ATP10A: variants seen among roughly 807,000 people sequenced by gnomAD.
The protein encoded by ATP10A is ATPase phospholipid transporting 10A (putative).
ATP10A carries 111 observed loss-of-function variants against 147.8 expected under a neutral mutation model. The ratio of observed to expected loss-of-function variants is 0.75; its 90% CI spans 0.64 to 0.88. The LOEUF (loss-of-function observed/expected upper bound fraction) is 0.88. ATP10A is among the 40% of genes least tolerant of loss of function. The probability of loss-of-function intolerance (pLI) is 0.00; values close to 1 mark genes in which losing one functional copy is unlikely to be tolerated. For missense variants in ATP10A, 1,927 were observed against 1,959.0 expected (o/e 0.98, Z 0.31); for synonymous variants, 875 against 841.6 (o/e 1.04, Z -0.69).
At chr15:25,783,717 A>G (rs1890036323) in intron 1 of ATP10A, among the ~76,000 whole-genome samples, 1 of 152,348 alleles carries the variant, frequency 6.6e-6, no homozygotes, top group South Asian at 2.1e-4. Context: ...ACCGCTAGAG[A>G]GCGCCCTTTG....
At chr15:25,794,187 C>A (rs979521111) in intron 1 of ATP10A, among the ~76,000 whole-genome samples, 2 of 152,172 alleles carry the variant, frequency 1.3e-5, no homozygotes, top group African/African-American at 4.8e-5. Flanking sequence ...AGGTGGCAGC[C>A]TGGGTCAAAG....
chr15:25,710,171 C>G (rs1243512806), intron 10 of ATP10A: 2 of 152,190 alleles, frequency 1.3e-5, no homozygotes, highest in Non-Finnish European at 2.9e-5. Flanking sequence ...CACAGCCACC[C>G]AAGTCCTGTG....
At chr15:25,735,223 C>A (rs1479798003) in intron 3 of ATP10A, among the ~76,000 whole-genome samples, 3 of 152,196 alleles carry the variant, frequency 2.0e-5, no homozygotes, top group African/African-American at 7.2e-5. Context: ...TCATGTGCGT[C>A]ATGCCCCTGT....
In ATP10A at chr15:25,766,174, C is replaced by G. The variant is rs139849679; in HGVS notation, c.654+14845G>C. 3.7e-4 allele frequency among the ~76,000 whole-genome samples: 57 copies of G among 152,254 alleles called. No individual in the cohort carries two copies. The East Asian group carries it at 9.3e-3, about 25-fold the overall frequency. On this transcript the variant is annotated intron_variant, in intron 2 of 20. Coordinates refer to ENST00000555815, the MANE Select transcript of ATP10A (RefSeq NM_024490.4). ...GTCTAGTGAGACTTATTCACTGTCA[C>G]GAGAATAGCACAAGAAAGACCAGAC...
At chr15:25,860,496 G>C (rs1361119210) in intron 1 of ATP10A, among the ~76,000 whole-genome samples, 1 of 152,178 alleles carries the variant, frequency 6.6e-6, no homozygotes, top group African/African-American at 2.4e-5. Context: ...TCTGGGACTG[G>C]AAGAATTTGA....
At chr15:25,696,343 G>T (rs945455671) in intron 13 of ATP10A, among the ~76,000 whole-genome samples, 5 of 152,240 alleles carry the variant, frequency 3.3e-5, no homozygotes, top group African/African-American at 1.2e-4. Context: ...GTGCGAAAGT[G>T]TGGAGATGGA....
In ATP10A at chr15:25,680,230, C is replaced by T. The variant is rs1477415633; in HGVS notation, c.3757G>A (p.Ala1253Thr). The change falls in exon 20 of 21, where the codon GCC (alanine) becomes ACC (threonine). Residue 1253 changes from alanine (A) to threonine (T), a missense_variant. Physicochemically the swap from Ala to Thr is moderately conservative, Grantham distance 58 (BLOSUM62 0). Coordinates refer to ENST00000555815, the MANE Select transcript of ATP10A (RefSeq NM_024490.4). The part of the protein sequence containing the change: ...TVALIYNASC[A>T]TCYPPSNPYW... ...GGGTTGGACGGAGGATAGCACGTGG[C>T]ACAAGACGCATTGTAAATCAAAGCC... 6.2e-7 allele frequency: 1 copy of T among 1,613,986 alleles called. No homozygotes were observed. The highest frequency in any genetic ancestry group is 1.3e-5 in the African/African-American group (1 of 74,900).
At chr15:25,792,873 C>CTTTTT (rs56011953) in intron 1 of ATP10A, among the ~76,000 whole-genome samples, 52,265 of 133,282 alleles carry the variant, frequency 0.39, 10,883 homozygotes, top group South Asian at 0.52. Context: ...CCTTTTCAAT[C>CTTTTT]TTTTTTTTTT....
At chr15:25,681,230 G>GCC (rs1354943543) in intron 17 of ATP10A, among the ~76,000 whole-genome samples, 156 bp from the exon 18 acceptor site, 2 of 152,090 alleles carry the variant, frequency 1.3e-5, no homozygotes, top group South Asian at 4.1e-4. Flanking sequence ...CATGAAGGGA[G>GCC]GGTTCTCATG....
At chr15:25,851,757 T>C (rs1272951143) in intron 1 of ATP10A, among the ~76,000 whole-genome samples, 1 of 152,114 alleles carries the variant, frequency 6.6e-6, no homozygotes, top group Non-Finnish European at 1.5e-5. Context: ...CTAAAATTCT[T>C]TGGGCTTGGA....
intron 17 of ATP10A, among the ~76,000 whole-genome samples, chr15:25,682,708 A>G (rs767376459): frequency 6.6e-5 from 10 of 152,142 alleles, no homozygotes; most frequent in Admixed American, 2.0e-4. Context: ...GGCCAGGGGA[A>G]GTTAACTCAT....
chr15:25,726,364 T>C (rs1902549909), intron 4 of ATP10A, among the ~76,000 whole-genome samples: 2 of 152,166 alleles, frequency 1.3e-5, no homozygotes, highest in Admixed American at 6.5e-5. Flanking sequence ...GTTGAGGTAC[T>C]ATTCAAAGAA....
rs371995492 is a variant in ATP10A at position 25,814,456 on chromosome 15, T to C, written c.450-33233A>G. On this transcript the variant is annotated intron_variant, in intron 1 of 20. Coordinates refer to ENST00000555815, the MANE Select transcript of ATP10A (RefSeq NM_024490.4). ...CACAAGGAATGAAACTCACCAGAAATGGCAAAGATGCCCCTCTGCCTGGTT... is the reference window on the plus strand; with the variant it reads ...CACAAGGAATGAAACTCACCAGAAACGGCAAAGATGCCCCTCTGCCTGGTT... 1.4e-4 allele frequency among the ~76,000 whole-genome samples: 22 copies of C among 152,316 alleles called. No individual in the cohort carries two copies. In the East Asian group the frequency reaches 3.3e-3, roughly 23 times the overall value.
Position 25,810,744 on chromosome 15 carries a change from C to T in ATP10A, c.450-29521G>A, listed in dbSNP as rs113994617. Among the ~76,000 whole-genome samples, 681 of 152,210 alleles carry T rather than the reference C, an allele frequency of 4.5e-3. 7 individuals carry two copies. Among genetic ancestry groups the T allele is most frequent in the African/African-American group, 0.016 (645 of 41,538 alleles). On this transcript the variant is annotated intron_variant, in intron 1 of 20. Transcript: ENST00000555815. ...CTGCCCAGGTTCTAAAAGTAAAAGC[C>T]TCCCACGGAAAATAGCACGCCAGGG...
At chr15:25,714,489 T>TA (rs1255384452) in intron 9 of ATP10A, among the ~76,000 whole-genome samples, 3 of 151,798 alleles carry the variant, frequency 2.0e-5, no homozygotes, top group African/African-American at 2.4e-5. Context: ...ATAATAATAA[T>TA]AAAAAAAGAA....
intron 1 of ATP10A, among the ~76,000 whole-genome samples, chr15:25,828,799 T>C (rs1892227124): frequency 6.6e-6 from 1 of 152,168 alleles, no homozygotes; most frequent in African/African-American, 2.4e-5. Flanking sequence ...ATTATATGGA[T>C]TTGGCAGCAC....
chr15:25,744,091 CGG>C (rs1300363936), intron 2 of ATP10A, among the ~76,000 whole-genome samples: 1 of 152,034 alleles, frequency 6.6e-6, no homozygotes, highest in Non-Finnish European at 1.5e-5. Context: ...CCAGGAAGAA[CGG>C]CATCACAGAG....
At chr15:25,833,924 A>G (rs1425123126) in intron 1 of ATP10A, among the ~76,000 whole-genome samples, 2 of 151,698 alleles carry the variant, frequency 1.3e-5, no homozygotes, top group Admixed American at 6.6e-5. Flanking sequence ...GTGAGCCCAG[A>G]TGGCGCCACT....
intron 1 of ATP10A, among the ~76,000 whole-genome samples, chr15:25,818,041 C>T (rs888146093): frequency 1.3e-5 from 2 of 151,960 alleles, no homozygotes; most frequent in African/African-American, 2.4e-5. Flanking sequence ...ACTATACAAT[C>T]CCCCCACTGC....
Sources: gnomAD v4.1 joint callset for allele counts (sites outside exome capture counted in the v4.1 genomes callset) on GRCh38, gnomAD v4.1.1 for gene constraint, MANE v1.5 for transcripts, NCBI Gene and HGNC (gene_info 2026-07-23, HGNC 2026-07-21) for gene names.